TUT4: variants seen among roughly 807,000 people sequenced by gnomAD.
TUT4 encodes the protein terminal uridylyl transferase 4.
Under a neutral mutation model 192.2 loss-of-function variants are expected in TUT4, and 36 were observed. The observed-to-expected ratio is 0.19, with a 90% CI of 0.14 to 0.25. The LOEUF is 0.25. TUT4 is among the 10% of genes least tolerant of loss of function. The pLI is 1.00. For synonymous variants in TUT4, 618 were observed against 666.0 expected, an observed-to-expected ratio of 0.93 and a Z score of 1.11; for missense variants, 1,493 against 1,957.2, an observed-to-expected ratio of 0.76 and a Z score of 4.47.
At chr1:52,542,683 G>A (rs1228798448) in intron 1 of TUT4, among the ~76,000 whole-genome samples, 1 of 152,064 alleles carries the variant, frequency 6.6e-6, no homozygotes, top group Non-Finnish European at 1.5e-5. Context: ...CATACTCAAT[G>A]ATAAAAATGA....
chr1:52,494,562 C>G (rs1311615017), intron 6 of TUT4, among the ~76,000 whole-genome samples: 1 of 152,034 alleles, frequency 6.6e-6, no homozygotes, highest in Non-Finnish European at 1.5e-5. Flanking sequence ...CATGGTGGCA[C>G]ACACCTGTAA....
intron 3 of TUT4, among the ~76,000 whole-genome samples, chr1:52,512,108 G>A (rs928341691): frequency 6.6e-6 from 1 of 152,096 alleles, no homozygotes; most frequent in African/African-American, 2.4e-5. Context: ...GCAGACCAAA[G>A]ACAAGTCTAC....
intron 1 of TUT4, among the ~76,000 whole-genome samples, chr1:52,531,115 C>G (rs1446896863): frequency 2.0e-5 from 3 of 152,122 alleles, no homozygotes; most frequent in Admixed American, 6.6e-5. Flanking sequence ...AAAATATTAT[C>G]AGAACTAACC....
intron 1 of TUT4, among the ~76,000 whole-genome samples, chr1:52,548,665 G>C (rs190636448): frequency 4.6e-5 from 7 of 152,260 alleles, no homozygotes; most frequent in Admixed American, 2.0e-4. Context: ...AAAGAAATTA[G>C]CTCATAGTAA....
chr1:52,471,830 G>C, intron 14 of TUT4, 122 bp downstream of exon 14: 1 of 985,352 alleles, frequency 1.0e-6, no homozygotes, highest in Non-Finnish European at 1.4e-6. Context: ...TCTGTGCTTG[G>C]GTATCTATTC....
chr1:52,451,712 G>A (rs923560493), intron 20 of TUT4, among the ~76,000 whole-genome samples: 48 of 151,726 alleles, frequency 3.2e-4, no homozygotes, highest in African/African-American at 1.1e-3. Context: ...GTATGGTGGC[G>A]GGCACCTGTA....
chr1:52,446,843 C>A (rs1657660938), intron 20 of TUT4, among the ~76,000 whole-genome samples, 176 bp from the exon 21 acceptor site: 1 of 152,100 alleles, frequency 6.6e-6, no homozygotes, highest in African/African-American at 2.4e-5. Flanking sequence ...TAAAACGTAT[C>A]TGAAAGACCA....
rs145828480 is a variant in TUT4, at chr1:52,483,844, T to C, written c.1516-1921A>G. On this transcript the variant is annotated intron_variant, in intron 9 of 29. Coordinates refer to ENST00000257177, the MANE Select transcript of TUT4 (RefSeq NM_001009881.3). ...TTTCTTCATTAAGTAAAATTATTTATTTATTTATTGCAAGGTGTGGTGATG... is the reference window on the plus strand; with the variant it reads ...TTTCTTCATTAAGTAAAATTATTTACTTATTTATTGCAAGGTGTGGTGATG... 3.6e-3 allele frequency among the ~76,000 whole-genome samples: 550 copies of C among 152,218 alleles called. 3 individuals are homozygous for C. The highest frequency in any genetic ancestry group is 0.013 in the African/African-American group (525 of 41,522).
intron 11 of TUT4, among the ~76,000 whole-genome samples, chr1:52,479,997 GAAAAAA>G (rs375149209): frequency 3.0e-5 from 2 of 67,208 alleles, no homozygotes; most frequent in African/African-American, 1.0e-4. Context: ...TCCGTCTCAG[GAAAAAA>G]AAAAAAAAAA....
intron 2 of TUT4, among the ~76,000 whole-genome samples, chr1:52,523,493 T>C (rs1680859099): frequency 6.6e-6 from 1 of 152,024 alleles, no homozygotes; most frequent in Non-Finnish European, 1.5e-5. Flanking sequence ...TAGTCCCAGC[T>C]GATGCAGGAG....
At chr1:52,526,394 G>C (rs944011324) in intron 1 of TUT4, 21 bp from the exon 2 acceptor site, 3 of 976,210 alleles carry the variant, frequency 3.1e-6, no homozygotes, top group Non-Finnish European at 4.0e-6. Context: ...AAAAAAAAGA[G>C]AAAAATCTGT....
intron 27 of TUT4, chr1:52,432,224 A>G (rs776272886): frequency 1.3e-5 from 2 of 152,222 alleles, no homozygotes; most frequent in Non-Finnish European, 2.9e-5. Context: ...GGAGAAGGAG[A>G]GAAGAGAAAT....
Position 52,542,151 on chromosome 1 carries a change from G to C in TUT4, c.-94+10780C>G, listed in dbSNP as rs59861159. Among the ~76,000 whole-genome samples, 472 of 152,270 alleles carry C rather than the reference G, an allele frequency of 3.1e-3. 4 individuals are homozygous for C. Among genetic ancestry groups the C allele is most frequent in the African/African-American group, 0.011 (445 of 41,560 alleles). Reference sequence around the variant, plus strand: ...AGTACCTACAGCAGTCAAAATCATAGAGAAATAAAGTAGAATGGTGGTTGC... The same window carrying C: ...AGTACCTACAGCAGTCAAAATCATACAGAAATAAAGTAGAATGGTGGTTGC... On this transcript the variant is annotated intron_variant, in intron 1 of 29. Transcript: ENST00000257177.
At position 52,431,472 on chromosome 1, in the gene TUT4, AAAAAAATTTTTTTTAAT is replaced by A. The variant is rs1652041947; in HGVS notation, c.4264-29_4264-13del. ...GATGGTGATTCAGACTGCAGACAAAAAAAAAATTTTTTTTAATTAATTTATAAACATCTTAATTTTAT... is the reference window on the plus strand; with the variant it reads ...GATGGTGATTCAGACTGCAGACAAAATAATTTATAAACATCTTAATTTTAT... On this transcript the variant is annotated splice_polypyrimidine_tract_variant and intron_variant, in intron 27 of 29. Transcript: ENST00000257177. 1 of 1,486,910 alleles carries A rather than the reference AAAAAAATTTTTTTTAAT, an allele frequency of 6.7e-7. No individual in the cohort carries two copies. The highest frequency in any genetic ancestry group is 2.5e-5 in the Admixed American group (1 of 40,112). The allele number at this position is 1,486,910 out of a possible 1,614,324, so 92.1% of individuals were successfully genotyped here. A position where few individuals can be genotyped will look rare whatever the true frequency, so the allele number is the denominator to read the frequency against.
chr1:52,453,131 T>A (rs150074575), intron 20 of TUT4, among the ~76,000 whole-genome samples: 1,837 of 152,222 alleles, frequency 0.012, 50 homozygotes, highest in African/African-American at 0.043. Flanking sequence ...AGGCCTGTAA[T>A]CCCAGCACTT....
intron 28 of TUT4, among the ~76,000 whole-genome samples, chr1:52,426,059 G>A (rs1026061094): frequency 1.1e-4 from 16 of 152,118 alleles, no homozygotes; most frequent in African/African-American, 3.9e-4. Context: ...ATCATGCAAA[G>A]GAACTTAAGA....
intron 15 of TUT4, among the ~76,000 whole-genome samples, chr1:52,466,073 A>C (rs141009704): frequency 2.4e-4 from 36 of 152,248 alleles, no homozygotes; most frequent in African/African-American, 8.4e-4. Context: ...AGTAGACTAC[A>C]CATTTATAGG....
intron 16 of TUT4, chr1:52,463,925 T>TGTAGA: frequency 3.9e-6 from 2 of 509,104 alleles, no homozygotes; most frequent in Non-Finnish European, 6.3e-6. Context: ...CTATTAGTAC[T>TGTAGA]ATATTTCAGC....
In TUT4 at chr1:52,509,703, C is replaced by T. The variant is rs560642507; in HGVS notation, c.892G>A (p.Glu298Lys). The change falls in exon 4 of 30, where the codon GAA (glutamate) becomes AAA (lysine). Residue 298 changes from glutamate (E) to lysine (K), a missense_variant. Around this residue, in one of 7 missense-constraint regions of TUT4, gnomAD observed 437 missense variants for 577.6 expected, o/e 0.76. Transcript: ENST00000257177. ...HIFRLEKRSP[E>K]YTNCRYLCKL... is the part of the protein sequence containing the mutation. ...CATAGATACCGACAATTGGTATATT[C>T]TGGTGATCGCTGAAGAGACAAATTT... The T allele has an allele frequency of 1.9e-6, 3 of 1,599,232 alleles. No homozygotes were observed. The highest frequency in any genetic ancestry group is 1.7e-5 in the Admixed American group (1 of 59,652).
Sources: allele counts gnomAD v4.1 joint callset (sites outside exome capture counted in the v4.1 genomes callset), GRCh38; gene constraint gnomAD v4.1.1; regional missense constraint gnomAD v4.1.1; transcripts MANE v1.5; gene names NCBI Gene and HGNC (gene_info 2026-07-23, HGNC 2026-07-21).